The following EYA4 variants were observed in gnomAD, a reference collection of about 807,000 sequenced individuals.
EYA4 encodes EYA transcriptional coactivator and phosphatase 4.
In EYA4, 31 loss-of-function variants were observed where a neutral mutation model predicts 87.9. The observed-to-expected ratio is 0.35, with a 90% CI of 0.27 to 0.48. EYA4 has a LOEUF of 0.48. Ranked by LOEUF, EYA4 falls within the 20% of genes least tolerant of loss-of-function variation. The pLI is 0.99. For synonymous variants in EYA4, 263 were observed against 270.6 expected (o/e 0.97, Z 0.28); for missense variants, 678 against 761.4 (o/e 0.89, Z 1.29).
chr6:133,516,556 C>CA (rs771877894), intron 17 of EYA4, among the ~76,000 whole-genome samples: 2,014 of 123,870 alleles, frequency 0.016, 39 homozygotes, highest in African/African-American at 0.044. Context: ...ACTAAAAATA[C>CA]AAAAAAAAAA....
At chr6:133,390,391 T>G (rs974348814) in intron 3 of EYA4, among the ~76,000 whole-genome samples, 1 of 152,092 alleles carries the variant, frequency 6.6e-6, no homozygotes, top group Admixed American at 6.5e-5. Flanking sequence ...CCGCCTACTT[T>G]TTGTATCTTT....
At chr6:133,281,001 G>A (rs527247414) in intron 2 of EYA4, among the ~76,000 whole-genome samples, 16 of 152,034 alleles carry the variant, frequency 1.1e-4, no homozygotes, top group Non-Finnish European at 2.1e-4. Context: ...CTTTTTATAC[G>A]TGACATAATG....
chr6:133,442,576 G>T (rs149978549), intron 3 of EYA4, among the ~76,000 whole-genome samples: 34 of 151,824 alleles, frequency 2.2e-4, no homozygotes, highest in African/African-American at 8.0e-4. Flanking sequence ...GGGGGTTTGG[G>T]GTATGAATTT....
intron 2 of EYA4, among the ~76,000 whole-genome samples, chr6:133,323,595 T>C (rs1232331407): frequency 6.6e-6 from 1 of 152,134 alleles, no homozygotes; most frequent in Non-Finnish European, 1.5e-5. Context: ...CAAAAATGTT[T>C]AGTTTTTGCA....
chr6:133,408,054 A>G (rs1213666704), intron 3 of EYA4, among the ~76,000 whole-genome samples: 1 of 152,242 alleles, frequency 6.6e-6, no homozygotes, highest in African/African-American at 2.4e-5. Context: ...CTGAACTATA[A>G]TACATATCTT....
chr6:133,267,213 AAATT>A (rs1277412595), intron 1 of EYA4, among the ~76,000 whole-genome samples: 8 of 152,192 alleles, frequency 5.3e-5, no homozygotes, highest in African/African-American at 9.7e-5. Flanking sequence ...AGACAACATA[AAATT>A]AATTAAAGTA....
intron 3 of EYA4, among the ~76,000 whole-genome samples, chr6:133,445,369 A>G (rs2128619885): frequency 6.6e-6 from 1 of 152,180 alleles, no homozygotes; most frequent in South Asian, 2.1e-4. Context: ...CATTTATGTT[A>G]TTCTTAATTC....
chr6:133,322,313 G>T (rs1341492086), intron 2 of EYA4, among the ~76,000 whole-genome samples: 1 of 152,174 alleles, frequency 6.6e-6, no homozygotes, highest in Non-Finnish European at 1.5e-5. Flanking sequence ...TAGTCGTTGT[G>T]CTATAAAAGG....
At chr6:133,465,721 T>G (rs532681735) in intron 10 of EYA4, among the ~76,000 whole-genome samples, 11 of 152,302 alleles carry the variant, frequency 7.2e-5, no homozygotes, top group African/African-American at 2.4e-4. Flanking sequence ...TGCTAGACAC[T>G]TATATATTCT....
chr6:133,432,658 A>G (rs1316854991), intron 3 of EYA4, among the ~76,000 whole-genome samples: 1 of 151,930 alleles, frequency 6.6e-6, no homozygotes, highest in Non-Finnish European at 1.5e-5. Context: ...ACAGACAAAT[A>G]TACTCTGATT....
At chr6:133,389,519 G>A (rs1300818723) in intron 3 of EYA4, among the ~76,000 whole-genome samples, 1 of 152,206 alleles carries the variant, frequency 6.6e-6, no homozygotes, top group Non-Finnish European at 1.5e-5. Context: ...GTACATATCT[G>A]TTAAATGAAT....
chr6:133,456,715 A>G, intron 6 of EYA4, 67 bp downstream of exon 6: 1 of 883,922 alleles, frequency 1.1e-6, no homozygotes, highest in Non-Finnish European at 1.9e-6. Flanking sequence ...CTCCTCGGGA[A>G]TAAGCAACAT....
At chr6:133,428,411 G>A (rs970913061) in intron 3 of EYA4, among the ~76,000 whole-genome samples, 2 of 152,154 alleles carry the variant, frequency 1.3e-5, no homozygotes, top group Admixed American at 6.5e-5. Flanking sequence ...ATGGCTAGAC[G>A]TGACGTCAAG....
chr6:133,429,683 A>G (rs1791007935), intron 3 of EYA4, among the ~76,000 whole-genome samples: 1 of 152,192 alleles, frequency 6.6e-6, no homozygotes, highest in Non-Finnish European at 1.5e-5. Flanking sequence ...AATGTTTCAA[A>G]GTTAGTCAGT....
intron 1 of EYA4, among the ~76,000 whole-genome samples, chr6:133,272,202 G>T (rs866010058): frequency 7.2e-5 from 11 of 152,198 alleles, no homozygotes; most frequent in African/African-American, 2.2e-4. Flanking sequence ...TTAGAGGGGT[G>T]CCTCCATATC....
At chr6:133,518,348 A>G (rs754743297) in intron 17 of EYA4, among the ~76,000 whole-genome samples, 1 of 152,178 alleles carries the variant, frequency 6.6e-6, no homozygotes, top group Non-Finnish European at 1.5e-5. Context: ...AGAAAAAGAA[A>G]TCAACATACA....
intron 14 of EYA4, among the ~76,000 whole-genome samples, chr6:133,512,136 GA>G (rs1225541387): frequency 2.6e-5 from 4 of 152,046 alleles, no homozygotes; most frequent in African/African-American, 9.7e-5. Context: ...TTGACAAAAA[GA>G]AAATGTCAAT....
At chr6:133,504,109 G>C (rs1798380316) in intron 13 of EYA4, among the ~76,000 whole-genome samples, 1 of 152,088 alleles carries the variant, frequency 6.6e-6, no homozygotes, top group Non-Finnish European at 1.5e-5. Flanking sequence ...GTAGAAACAG[G>C]GTTTTACCAT....
At chr6:133,492,878 C>G (rs1402221575) in intron 13 of EYA4, among the ~76,000 whole-genome samples, 1 of 151,818 alleles carries the variant, frequency 6.6e-6, no homozygotes, top group African/African-American at 2.4e-5. Flanking sequence ...AAATAAAATT[C>G]CTAGGAATTA....
Sources: gnomAD v4.1 joint callset for allele counts (sites outside exome capture counted in the v4.1 genomes callset) on GRCh38, gnomAD v4.1.1 for gene constraint, MANE v1.5 for transcripts, NCBI Gene and HGNC (gene_info 2026-07-23, HGNC 2026-07-21) for gene names.